The following CFAP107 variants were observed in gnomAD, a reference collection of about 807,000 sequenced individuals.
CFAP107 encodes the protein cilia and flagella associated protein 107.
chr1:12,756,963 C>T, the CFAP107 span, among the ~76,000 whole-genome samples: 2 of 152,204 alleles, frequency 1.3e-5, no homozygotes, highest in Non-Finnish European at 2.9e-5. Context: ...AGATTTTCAG[C>T]TCTGTGCTGG....
At chr1:12,746,229 A>G in the CFAP107 span, 2 of 455,184 alleles carry the variant, frequency 4.4e-6, no homozygotes. Flanking sequence ...AAGATAGATC[A>G]ACTCTCCCTA....
the CFAP107 span, among the ~76,000 whole-genome samples, chr1:12,748,474 A>AAC: frequency 3.3e-5 from 5 of 149,948 alleles, no homozygotes; most frequent in East Asian, 1.9e-4. Context: ...AAAAAAAAAA[A>AAC]AAAAAACCAC....
At chr1:12,759,918 A>G in the CFAP107 span, among the ~76,000 whole-genome samples, 4 of 152,120 alleles carry the variant, frequency 2.6e-5, no homozygotes, top group Non-Finnish European at 1.5e-5. Flanking sequence ...AAAAGTAAGA[A>G]CACTTAAGAT....
the CFAP107 span, chr1:12,755,847 T>C: frequency 6.8e-7 from 1 of 1,461,376 alleles, no homozygotes; most frequent in South Asian, 1.1e-5. Flanking sequence ...CACTCAGGCC[T>C]GGACCCCACC....
chr1:12,761,472 C>T, the CFAP107 span: 2 of 152,262 alleles, frequency 1.3e-5, no homozygotes, highest in East Asian at 1.9e-4. Context: ...CCCCACGGGG[C>T]TCAGAAGAAG....
At chr1:12,759,342 C>T in the CFAP107 span, 92 of 1,614,150 alleles carry the variant, frequency 5.7e-5, 1 homozygote, top group African/African-American at 1.1e-3. Context: ...TCACCCACCA[C>T]CAGGAGCCCC....
At chr1:12,763,197 C>T in the CFAP107 span, 2 of 151,938 alleles carry the variant, frequency 1.3e-5, no homozygotes, top group Admixed American at 1.3e-4. Context: ...AAAACAACAA[C>T]AACAACAACA....
the CFAP107 span, chr1:12,759,365 T>C: frequency 1.9e-6 from 3 of 1,613,986 alleles, no homozygotes; most frequent in East Asian, 4.5e-5. Context: ...CATCGCTACC[T>C]GATCAGCACC....
the CFAP107 span, among the ~76,000 whole-genome samples, chr1:12,760,173 T>A: frequency 6.6e-6 from 1 of 151,960 alleles, no homozygotes; most frequent in African/African-American, 2.4e-5. Flanking sequence ...TGGAGGAGGA[T>A]CATGTAGGGG....
At chr1:12,758,363 C>A in the CFAP107 span, among the ~76,000 whole-genome samples, 1 of 152,202 alleles carries the variant, frequency 6.6e-6, no homozygotes, top group African/African-American at 2.4e-5. Flanking sequence ...TGCCACGAGG[C>A]TGCTTCTGCA....
chr1:12,760,669 A>T, the CFAP107 span: 2 of 1,235,320 alleles, frequency 1.6e-6, no homozygotes, highest in Non-Finnish European at 2.3e-6. Context: ...AGCCTGGGAA[A>T]ATCTCCAGGG....
At chr1:12,760,648 C>G in the CFAP107 span, 6 of 985,888 alleles carry the variant, frequency 6.1e-6, no homozygotes, top group South Asian at 8.3e-5. Context: ...AGCCTTGGTC[C>G]CTGACAGAGC....
the CFAP107 span, chr1:12,759,488 G>C: frequency 6.2e-7 from 1 of 1,614,096 alleles, no homozygotes; most frequent in Non-Finnish European, 8.5e-7. Context: ...CCCCTTCTTG[G>C]TACCTTTATA....
the CFAP107 span, among the ~76,000 whole-genome samples, chr1:12,751,716 C>T: frequency 3.8e-4 from 57 of 151,394 alleles, no homozygotes; most frequent in African/African-American, 1.2e-3. Context: ...TATTGACTAA[C>T]GGAAAAAAAG....
chr1:12,750,930 A>G, the CFAP107 span, among the ~76,000 whole-genome samples: 1,982 of 152,326 alleles, frequency 0.013, 18 homozygotes, highest in Non-Finnish European at 0.02. Context: ...AATTATAAAG[A>G]TTAAAATCAT....
the CFAP107 span, among the ~76,000 whole-genome samples, chr1:12,757,675 G>A: frequency 6.6e-5 from 10 of 151,998 alleles, no homozygotes; most frequent in African/African-American, 1.2e-4. Flanking sequence ...CGTGAGCCAC[G>A]GCACCTGGCC....
chr1:12,746,595 GC>G, the CFAP107 span: 1 of 1,306,292 alleles, frequency 7.7e-7, no homozygotes, highest in Non-Finnish European at 1.1e-6. Context: ...ATGGGGAGAG[GC>G]AGGAGTGAAG....
the CFAP107 span, chr1:12,762,182 C>T: frequency 2.0e-5 from 3 of 152,230 alleles, no homozygotes; most frequent in Admixed American, 2.0e-4. Context: ...CACTTTGGCA[C>T]CTACTAAGTT....
chr1:12,760,934 C>T, the CFAP107 span: 74 of 1,612,640 alleles, frequency 4.6e-5, no homozygotes, highest in Non-Finnish European at 5.8e-5. Flanking sequence ...TCGCCTGCAT[C>T]CTCTCCCACA....
Sources: allele counts gnomAD v4.1 joint callset (sites outside exome capture counted in the v4.1 genomes callset), GRCh38; gene constraint gnomAD v4.1.1; transcripts MANE v1.5; gene names NCBI Gene and HGNC (gene_info 2026-07-23, HGNC 2026-07-21).